The following DSG1 variants were observed in gnomAD, a reference collection of about 807,000 sequenced individuals.
DSG1 encodes desmoglein-1.
In DSG1, 39 loss-of-function variants were observed where a neutral mutation model predicts 97.5. The ratio of observed to expected loss-of-function variants is 0.40; its 90% CI spans 0.31 to 0.52. The LOEUF (loss-of-function observed/expected upper bound fraction) is 0.52, where lower values mean the gene tolerates loss of function less well. Ranked by LOEUF, DSG1 falls within the 20% of genes least tolerant of loss-of-function variation. The pLI is 0.53. For synonymous variants in DSG1, 475 were observed against 443.4 expected (o/e 1.07, Z -0.90); for missense variants, 1,311 against 1,295.4 (o/e 1.01, Z -0.18).
rs1332930280 is a variant in DSG1, at chr18:31,339,838, T to C, written c.1500T>C (p.Ile500=). The stretch of plus-strand genomic sequence containing the variant: ...CTAATACAGAGCCGAACACTAAAAT[T>C]ACTACCAATACTGGCAGACAAGAAA... ...DRTNTEPNTK[I]TTNTGRQEST... is the part of the protein sequence containing the mutation. Residue 500 remains isoleucine (I), a synonymous_variant, in exon 11 of 15, where the codon ATT becomes ATC. Coordinates refer to ENST00000257192, the MANE Select transcript of DSG1 (RefSeq NM_001942.4). 4.3e-6 allele frequency: 7 copies of C among 1,614,008 alleles called. No individual in the cohort carries two copies. Among genetic ancestry groups the C allele is most frequent in the South Asian group, 2.2e-5 (2 of 91,074 alleles).
intron 4 of DSG1, among the ~76,000 whole-genome samples, chr18:31,329,065 C>T (rs1200318742): frequency 6.6e-6 from 1 of 152,128 alleles, no homozygotes; most frequent in African/African-American, 2.4e-5. Flanking sequence ...TCGCCCAGCT[C>T]AGAAATGTTC....
intron 6 of DSG1, among the ~76,000 whole-genome samples, 189 bp from the exon 7 acceptor site, chr18:31,333,400 T>C (rs934927320): frequency 6.6e-6 from 1 of 152,180 alleles, no homozygotes; most frequent in Non-Finnish European, 1.5e-5. Context: ...TTGCATCTTT[T>C]AAATAATGCG....
intron 9 of DSG1, among the ~76,000 whole-genome samples, chr18:31,336,820 G>A (rs2071757733): frequency 6.6e-6 from 1 of 152,268 alleles, no homozygotes; most frequent in African/African-American, 2.4e-5. Flanking sequence ...ATGTTAAACT[G>A]TAAAGATGTG....
intron 1 of DSG1, among the ~76,000 whole-genome samples, chr18:31,319,471 G>A (rs779324337): frequency 5.9e-5 from 9 of 152,118 alleles, no homozygotes; most frequent in Non-Finnish European, 1.2e-4. Flanking sequence ...TCAGTAAGCT[G>A]GTGGCTTTGG....
chr18:31,339,552 T>G (rs2071775309), intron 10 of DSG1, among the ~76,000 whole-genome samples, 192 bp from the exon 11 acceptor site: 1 of 151,932 alleles, frequency 6.6e-6, no homozygotes, highest in Non-Finnish European at 1.5e-5. Flanking sequence ...TAATGTTAGT[T>G]ATAAATAATA....
At chr18:31,318,908 T>A (rs1185839051) in intron 1 of DSG1, among the ~76,000 whole-genome samples, 1 of 152,186 alleles carries the variant, frequency 6.6e-6, no homozygotes, top group Non-Finnish European at 1.5e-5. Context: ...ACTATTTAAC[T>A]ATGATTTTAT....
chr18:31,344,405 A>G (rs912942724), intron 13 of DSG1, among the ~76,000 whole-genome samples: 2 of 152,238 alleles, frequency 1.3e-5, no homozygotes, highest in Non-Finnish European at 2.9e-5. Context: ...AGCCGTGCTC[A>G]TTTATTGAGG....
At position 31,329,373 on chromosome 18, in the gene DSG1, C is replaced by T. The variant is rs925271048; in HGVS notation, c.373-519C>T. Among the ~76,000 whole-genome samples the T allele has an allele frequency of 1.3e-4, 20 of 152,028 alleles. 2 individuals carry two copies. The highest frequency in any genetic ancestry group is 1.2e-3 in the Admixed American group (18 of 15,226). ...AATAATAATCGATATTTGCAGTTTT[C>T]ACTCACACCGCCTGCCTGTATTCCT... On this transcript the variant is annotated intron_variant, in intron 4 of 14. Coordinates refer to ENST00000257192, the MANE Select transcript of DSG1 (RefSeq NM_001942.4).
intron 14 of DSG1, among the ~76,000 whole-genome samples, chr18:31,351,432 A>C (rs1471750604): frequency 1.3e-5 from 2 of 148,310 alleles, no homozygotes; most frequent in African/African-American, 5.0e-5. Flanking sequence ...GTGCTGAAAA[A>C]AATGTATATT....
chr18:31,320,410 G>A (rs968419988), intron 1 of DSG1, among the ~76,000 whole-genome samples: 4 of 152,142 alleles, frequency 2.6e-5, no homozygotes, highest in Admixed American at 6.6e-5. Context: ...TAAATTGGTA[G>A]TGTCTTTTAA....
At chr18:31,345,009 C>A (rs967683029) in intron 13 of DSG1, among the ~76,000 whole-genome samples, 2 of 152,118 alleles carry the variant, frequency 1.3e-5, no homozygotes, top group Admixed American at 1.3e-4. Flanking sequence ...CATTAATAAC[C>A]CCAATGTCTT....
rs1409616027 is a variant in DSG1 at position 31,355,150 on chromosome 18, G to T, written c.2954G>T (p.Gly985Val). 4.3e-6 allele frequency: 7 copies of T among 1,610,640 alleles called. No individual in the cohort carries two copies. Among genetic ancestry groups the T allele is most frequent in the Non-Finnish European group, 5.9e-6 (7 of 1,177,596 alleles). The change falls in exon 15 of 15, where the codon GGT becomes GTT. Residue 985 changes from glycine (G) to valine (V), a missense_variant. By Grantham distance (109) the Gly-to-Val change is moderately radical. Coordinates refer to ENST00000257192, the MANE Select transcript of DSG1 (RefSeq NM_001942.4). ...AGTGGCCTGGTTGGCACCAGCATGGGTGCTGGGAGCGGTGCCCTGAGTGGA... is the reference window on the plus strand; with the variant it reads ...AGTGGCCTGGTTGGCACCAGCATGGTTGCTGGGAGCGGTGCCCTGAGTGGA... ...GSSGLVGTSM[G>V]AGSGALSGAG...
intron 1 of DSG1, among the ~76,000 whole-genome samples, chr18:31,325,318 G>A (rs1598697640): frequency 6.6e-6 from 1 of 152,182 alleles, no homozygotes; most frequent in Admixed American, 6.5e-5. Context: ...AAAACAAACA[G>A]CAAGCACTGG....
chr18:31,329,976 A>G lies in DSG1; in HGVS notation c.457A>G (p.Asn153Asp). ...LRVRVLDIND[N>D]PPVFSMATFA... ...AGTCAGGGTTTTGGATATAAATGACAACCCTCCAGTGTTTTCAATGGCTAC... is the reference window on the plus strand; with the variant it reads ...AGTCAGGGTTTTGGATATAAATGACGACCCTCCAGTGTTTTCAATGGCTAC... Residue 153 changes from asparagine to aspartate, a missense_variant, in exon 5 of 15, where the codon AAC becomes GAC. By Grantham distance (23) the Asn-to-Asp change is conservative. This residue lies in a region of DSG1 where 259 missense variants were observed against 304.1 expected (regional missense o/e 0.85). Coordinates refer to ENST00000257192, the MANE Select transcript of DSG1 (RefSeq NM_001942.4). 1 of 1,613,376 alleles carries G rather than the reference A, an allele frequency of 6.2e-7. No homozygotes were observed. Among genetic ancestry groups the G allele is most frequent in the Non-Finnish European group, 8.5e-7 (1 of 1,179,422 alleles).
In DSG1 at chr18:31,340,077, G is replaced by A. The variant is rs138089097; in HGVS notation, c.1687+52G>A. Reference sequence around the variant, plus strand: ...ATGTGTCCCCCAAAAAATGCTGGGGGAGGAGTTAAGTTTTCTGATTCTTTG... The same window carrying A: ...ATGTGTCCCCCAAAAAATGCTGGGGAAGGAGTTAAGTTTTCTGATTCTTTG... On this transcript the variant is annotated intron_variant, in intron 11 of 14. Transcript: ENST00000257192. The A allele has an allele frequency of 2.4e-5, 37 of 1,550,514 alleles. No individual in the cohort carries two copies. In the East Asian group the frequency reaches 4.5e-4, roughly 19 times the overall value.
chr18:31,333,328 A>G (rs28549954), intron 6 of DSG1, among the ~76,000 whole-genome samples: 2,329 of 152,250 alleles, frequency 0.015, 62 homozygotes, highest in African/African-American at 0.052. Flanking sequence ...TTTACCCTTT[A>G]TAAACTTTTT....
chr18:31,338,560 A>C, intron 10 of DSG1, 106 bp downstream of exon 10: 1 of 1,277,964 alleles, frequency 7.8e-7, no homozygotes, highest in Admixed American at 1.9e-5. Flanking sequence ...TTCCAACAAA[A>C]GTTGTCACAC....
At chr18:31,326,320 A>G (rs914773232) in intron 1 of DSG1, among the ~76,000 whole-genome samples, 9 of 152,244 alleles carry the variant, frequency 5.9e-5, no homozygotes, top group Admixed American at 1.3e-4. Context: ...ATTAAAAGTT[A>G]AAAATTTCTT....
rs535958672 is a variant in DSG1, at chr18:31,327,999, T to C, written c.217-190T>C. Among the ~76,000 whole-genome samples the C allele has an allele frequency of 2.2e-3, 335 of 152,314 alleles. 3 individuals carry two copies. The highest frequency in any genetic ancestry group is 7.8e-3 in the African/African-American group (325 of 41,576). The stretch of plus-strand genomic sequence containing the variant: ...GAAGCAGAAACCGAATTTCTTTGAT[T>C]ACATTGTCAGTTACCATTGAAAATA... On this transcript the variant is annotated intron_variant, in intron 3 of 14. Coordinates refer to ENST00000257192, the MANE Select transcript of DSG1 (RefSeq NM_001942.4).
Sources: gnomAD v4.1 joint callset for allele counts (sites outside exome capture counted in the v4.1 genomes callset) on GRCh38, gnomAD v4.1.1 for gene constraint, gnomAD v4.1.1 regional missense constraint, MANE v1.5 for transcripts, NCBI Gene and HGNC (gene_info 2026-07-23, HGNC 2026-07-21) for gene names.